Variants in CEP43 observed in about 807,000 individuals in gnomAD.
The protein encoded by CEP43 is FGFR1 oncogene partner.
A neutral mutation model predicts 52.6 loss-of-function variants in CEP43; 36 were observed. That is an observed-to-expected ratio of 0.68 (90% CI 0.52 to 0.90). The LOEUF (loss-of-function observed/expected upper bound fraction) is 0.90, where lower values mean the gene tolerates loss of function less well. Ranked by LOEUF, CEP43 falls within the 40% of genes least tolerant of loss-of-function variation. The pLI is 0.00. For synonymous variants in CEP43, 192 were observed against 172.4 expected (o/e 1.11, Z -0.89); for missense variants, 506 against 472.8 (o/e 1.07, Z -0.65).
chr6:167,023,228 G>A (rs899480106), intron 8 of CEP43, among the ~76,000 whole-genome samples: 1 of 152,134 alleles, frequency 6.6e-6, no homozygotes, highest in African/African-American at 2.4e-5. Context: ...GGAGCTGGAC[G>A]GCTTTTCTTT....
intron 7 of CEP43, among the ~76,000 whole-genome samples, chr6:167,020,777 C>T (rs868108143): frequency 1.5e-4 from 23 of 152,062 alleles, no homozygotes; most frequent in African/African-American, 4.6e-4. Flanking sequence ...AGCGTGGTGG[C>T]ACGCGCCTGA....
At chr6:167,004,885 C>CT (rs1266603282) in intron 5 of CEP43, among the ~76,000 whole-genome samples, 1 of 152,210 alleles carries the variant, frequency 6.6e-6, no homozygotes, top group Non-Finnish European at 1.5e-5. Context: ...AGGCTTAAAA[C>CT]TAAGCTGTTG....
At chr6:167,006,525 AAG>A (rs1222537857) in intron 5 of CEP43, among the ~76,000 whole-genome samples, 2 of 152,326 alleles carry the variant, frequency 1.3e-5, no homozygotes, top group East Asian at 3.9e-4. Context: ...AAAAGAAAAA[AAG>A]AAAATATTTG....
rs1780819399 is a variant in CEP43 at position 167,047,702 on chromosome 6, G to C, written c.*7724G>C. 6.6e-6 allele frequency: 1 copy of C among 152,236 alleles called. No homozygotes were observed. Among genetic ancestry groups the C allele is most frequent in the East Asian group, 1.9e-4 (1 of 5,178 alleles). 9.4% of individuals were successfully genotyped at this position (152,236 alleles called of 1,614,324 possible). Reference sequence around the variant, plus strand: ...ATTCAGATGTCACTTCCTCCTCAAAGCTCTCGCCCCGCGCCGAGCTACTGT... The same window carrying C: ...ATTCAGATGTCACTTCCTCCTCAAACCTCTCGCCCCGCGCCGAGCTACTGT... On this transcript the variant is annotated 3_prime_UTR_variant, in exon 13 of 13. Transcript: ENST00000366847.
chr6:167,024,381 A>T (rs1416529166), intron 8 of CEP43, among the ~76,000 whole-genome samples: 1 of 152,214 alleles, frequency 6.6e-6, no homozygotes, highest in African/African-American at 2.4e-5. Flanking sequence ...AGGGGAGTTC[A>T]TCAGCATGGC....
At chr6:167,002,755 C>G (rs1449943699) in intron 2 of CEP43, among the ~76,000 whole-genome samples, 2 of 152,162 alleles carry the variant, frequency 1.3e-5, no homozygotes, top group African/African-American at 4.8e-5. Flanking sequence ...AATAAGTTGG[C>G]CTATGGGCCG....
Position 167,041,465 on chromosome 6 carries a change from C to T in CEP43, c.*1487C>T, listed in dbSNP as rs1562536384. On this transcript the variant is annotated 3_prime_UTR_variant, in exon 13 of 13. Coordinates refer to ENST00000366847, the MANE Select transcript of CEP43 (RefSeq NM_007045.4). ...CTTCAGCTCTTCATGTCTTAGTAAACAGCACCACGTGCAGATGTAATCTTG... is the reference window on the plus strand; with the variant it reads ...CTTCAGCTCTTCATGTCTTAGTAAATAGCACCACGTGCAGATGTAATCTTG... 2.3e-5 allele frequency: 24 copies of T among 1,059,620 alleles called. No individual in the cohort carries two copies. Among genetic ancestry groups the T allele is most frequent in the South Asian group, 4.6e-5 (1 of 21,944 alleles). The allele number at this position is 1,059,620 out of a possible 1,614,324, so 65.6% of individuals were successfully genotyped here.
In CEP43 at chr6:167,044,232, G is replaced by A. The variant is rs150992167; in HGVS notation, c.*4254G>A. 4.8e-5 allele frequency: 9 copies of A among 185,864 alleles called. No individual in the cohort carries two copies. In the East Asian group the frequency reaches 1.3e-3, roughly 27 times the overall value. 11.5% of individuals were successfully genotyped at this position (185,864 alleles called of 1,614,324 possible). A position where few individuals can be genotyped will look rare whatever the true frequency, so the allele number is the denominator to read the frequency against. ...AAGACAAACCTGATTATGCCACTCC[G>A]AGATTTGAGGTAACATTTGAATCTA... is the stretch of plus-strand genomic sequence containing the variant. On this transcript the variant is annotated 3_prime_UTR_variant, in exon 13 of 13. Transcript: ENST00000366847.
At chr6:167,008,869 G>T (rs1779914677) in intron 5 of CEP43, among the ~76,000 whole-genome samples, 1 of 152,106 alleles carries the variant, frequency 6.6e-6, no homozygotes, top group East Asian at 1.9e-4. Flanking sequence ...AGGTTAGATT[G>T]GTAAAATATG....
At chr6:167,024,750 A>T (rs753880798) in intron 8 of CEP43, 32 bp from the exon 9 acceptor site, 1 of 1,464,392 alleles carries the variant, frequency 6.8e-7, no homozygotes, top group East Asian at 2.3e-5. Flanking sequence ...AGAACATAAG[A>T]GCACCGATTA....
In CEP43 at chr6:167,032,656, T is replaced by C. The variant is rs371492120; in HGVS notation, c.1028+14T>C. 1.7e-5 allele frequency: 27 copies of C among 1,562,672 alleles called. No homozygotes were observed. The highest frequency in any genetic ancestry group is 1.7e-4 in the Middle Eastern group (1 of 5,924). On this transcript the variant is annotated intron_variant, in intron 11 of 12. Transcript: ENST00000366847. ...TGATTTTAATAGGTAAGAAAAACTA[T>C]TGGGCAAATATATAAATATATACGT... is the stretch of plus-strand genomic sequence containing the variant.
intron 11 of CEP43, among the ~76,000 whole-genome samples, chr6:167,033,097 C>CTTTTTT (rs1562533056): frequency 9.5e-5 from 9 of 94,576 alleles, no homozygotes; most frequent in African/African-American, 3.6e-4. Context: ...GATTGCCATT[C>CTTTTTT]TCTTTTTTTT....
At position 167,015,819 on chromosome 6, in the gene CEP43, T is replaced by C. The variant is rs960909889; in HGVS notation, c.579+2252T>C. Among the ~76,000 whole-genome samples the C allele has an allele frequency of 2.0e-5, 3 of 152,196 alleles. No individual in the cohort carries two copies. The East Asian group carries it at 5.8e-4, about 29-fold the overall frequency. On this transcript the variant is annotated intron_variant, in intron 7 of 12. Coordinates refer to ENST00000366847, the MANE Select transcript of CEP43 (RefSeq NM_007045.4). ...TTGATTTGTAGGGTTTTTGAACTGA[T>C]GTAACTTGGGCAAAACTGAAGTTCT...
chr6:167,035,534 C>CGTAA (rs943804430), intron 12 of CEP43, among the ~76,000 whole-genome samples: 5 of 151,600 alleles, frequency 3.3e-5, no homozygotes, highest in Non-Finnish European at 5.9e-5. Flanking sequence ...TGCTACTTAC[C>CGTAA]ACTCACAAAT....
chr6:167,033,301 G>A (rs183473868), intron 11 of CEP43, among the ~76,000 whole-genome samples: 1 of 151,902 alleles, frequency 6.6e-6, no homozygotes, highest in East Asian at 1.9e-4. Context: ...GGTAGAGACA[G>A]GGTTTTGTCG....
Position 167,038,363 on chromosome 6 carries a change from C to T in CEP43, c.1126-1541C>T, listed in dbSNP as rs553603298. 3.9e-5 allele frequency among the ~76,000 whole-genome samples: 6 copies of T among 152,170 alleles called. No individual in the cohort carries two copies. The East Asian group carries it at 9.7e-4, about 24-fold the overall frequency. ...AGTGTTAAAGTGTGTCACACCATGTCGAGTTTGATGTTAGAAACTTAACGT... is the reference window on the plus strand; with the variant it reads ...AGTGTTAAAGTGTGTCACACCATGTTGAGTTTGATGTTAGAAACTTAACGT... On this transcript the variant is annotated intron_variant, in intron 12 of 12. Transcript: ENST00000366847.
intron 8 of CEP43, among the ~76,000 whole-genome samples, chr6:167,023,681 C>T (rs908665103): frequency 1.3e-5 from 2 of 152,144 alleles, no homozygotes; most frequent in African/African-American, 4.8e-5. Context: ...AGGTCCTGCG[C>T]ACCTTGAGGC....
At chr6:167,013,463 A>G in intron 6 of CEP43, 45 bp from the exon 7 acceptor site, 1 of 1,497,216 alleles carries the variant, frequency 6.7e-7, no homozygotes, top group South Asian at 1.2e-5. Flanking sequence ...TATTTTTTAA[A>G]GATTTCTATT....
In CEP43 at chr6:167,042,004, A is replaced by T; in HGVS notation, c.*2026A>T. 2.3e-6 allele frequency: 1 copy of T among 439,244 alleles called. No homozygotes were observed. Among genetic ancestry groups the T allele is most frequent in the Non-Finnish European group, 3.1e-6 (1 of 326,432 alleles). 27.2% of individuals were successfully genotyped at this position (439,244 alleles called of 1,614,324 possible). A position where few individuals can be genotyped will look rare whatever the true frequency, so the allele number is the denominator to read the frequency against. On this transcript the variant is annotated 3_prime_UTR_variant, in exon 13 of 13. Coordinates refer to ENST00000366847, the MANE Select transcript of CEP43 (RefSeq NM_007045.4). ...ACGCCCGGCTAATTTTTGTATTTTT[A>T]GTAGAGATGGGGTTTCACCATGTTG... is the stretch of plus-strand genomic sequence containing the variant.
Sources: gnomAD v4.1 joint callset for allele counts (sites outside exome capture counted in the v4.1 genomes callset) on GRCh38, gnomAD v4.1.1 for gene constraint, MANE v1.5 for transcripts, NCBI Gene and HGNC (gene_info 2026-07-23, HGNC 2026-07-21) for gene names.